The following GALNT13 variants were observed in gnomAD, a reference collection of about 807,000 sequenced individuals.
GALNT13 encodes polypeptide N-acetylgalactosaminyltransferase 13.
Under a neutral mutation model 64.2 loss-of-function variants are expected in GALNT13, and 28 were observed. The ratio of observed to expected loss-of-function variants is 0.44; its 90% confidence interval spans 0.32 to 0.60. The LOEUF is 0.60. GALNT13 is among the 20% of genes least tolerant of loss of function. The pLI, the probability that GALNT13 is intolerant of heterozygous loss-of-function variation, is 0.05. For synonymous variants in GALNT13, 214 were observed against 224.6 expected (o/e 0.95, Z 0.42); for missense variants, 577 against 669.8 (o/e 0.86, Z 1.53).
At chr2:153,643,888 A>C in the GALNT13 span, among the ~76,000 whole-genome samples, 7 of 152,020 alleles carry the variant, frequency 4.6e-5, no homozygotes, top group Non-Finnish European at 1.5e-5. Flanking sequence ...TTCACTATAA[A>C]AAATTTTGGC....
At chr2:153,677,688 A>G in the GALNT13 span, among the ~76,000 whole-genome samples, 2 of 152,134 alleles carry the variant, frequency 1.3e-5, no homozygotes, top group African/African-American at 4.8e-5. Flanking sequence ...ACCAAACAGC[A>G]TGGTACTCTT....
intron 3 of GALNT13, among the ~76,000 whole-genome samples, chr2:154,009,325 G>C (rs928323317): frequency 1.8e-4 from 27 of 151,894 alleles, no homozygotes; most frequent in Admixed American, 1.8e-3. Context: ...TTGAAGTTGG[G>C]TTATGTGTTG....
chr2:153,916,568 G>A (rs564330449), intron 2 of GALNT13, among the ~76,000 whole-genome samples: 12 of 152,246 alleles, frequency 7.9e-5, no homozygotes, highest in African/African-American at 2.6e-4. Flanking sequence ...GATACCTTGA[G>A]CAAGGTTTTT....
intron 3 of GALNT13, among the ~76,000 whole-genome samples, chr2:153,983,792 A>G (rs1694622233): frequency 6.6e-6 from 1 of 151,968 alleles, no homozygotes. Context: ...AATGGTATGA[A>G]CATATTTCAT....
At chr2:153,280,117 T>G in the GALNT13 span, among the ~76,000 whole-genome samples, 1 of 152,146 alleles carries the variant, frequency 6.6e-6, no homozygotes, top group South Asian at 2.1e-4. Context: ...TTTCTAGGAA[T>G]GTATCCATTT....
chr2:154,250,158 G>A (rs1049263694), intron 7 of GALNT13, among the ~76,000 whole-genome samples: 6 of 152,120 alleles, frequency 3.9e-5, no homozygotes. Context: ...ATTGAAATGA[G>A]CAATGTCTTT....
intron 3 of GALNT13, among the ~76,000 whole-genome samples, chr2:154,005,447 A>G (rs921480297): frequency 6.6e-6 from 1 of 152,196 alleles, no homozygotes; most frequent in African/African-American, 2.4e-5. Flanking sequence ...CATAATCTGC[A>G]AGACTGAAGT....
chr2:153,692,077 C>T, the GALNT13 span, among the ~76,000 whole-genome samples: 6 of 152,100 alleles, frequency 3.9e-5, no homozygotes, highest in Admixed American at 3.3e-4. Flanking sequence ...TATCTCCACA[C>T]ACAATGATAG....
At chr2:153,138,441 G>C in the GALNT13 span, among the ~76,000 whole-genome samples, 3 of 152,052 alleles carry the variant, frequency 2.0e-5, no homozygotes, top group Non-Finnish European at 4.4e-5. Context: ...CAGTAATATT[G>C]TCAGATGATA....
chr2:153,606,468 T>C, the GALNT13 span, among the ~76,000 whole-genome samples: 1 of 152,114 alleles, frequency 6.6e-6, no homozygotes, highest in Non-Finnish European at 1.5e-5. Flanking sequence ...TCGTAAACTT[T>C]CTTAAAAAAT....
chr2:153,251,251 T>C, the GALNT13 span, among the ~76,000 whole-genome samples: 1 of 152,190 alleles, frequency 6.6e-6, no homozygotes, highest in Non-Finnish European at 1.5e-5. Context: ...AATTCTAATA[T>C]GACTTAGTGT....
intron 9 of GALNT13, among the ~76,000 whole-genome samples, chr2:154,360,600 G>A (rs1288141849): frequency 6.6e-6 from 1 of 152,138 alleles, no homozygotes; most frequent in Non-Finnish European, 1.5e-5. Flanking sequence ...GATGGCTTGT[G>A]CCTGTTTTTA....
At chr2:153,721,253 G>T in the GALNT13 span, among the ~76,000 whole-genome samples, 1 of 149,102 alleles carries the variant, frequency 6.7e-6, no homozygotes, top group Non-Finnish European at 1.5e-5. Context: ...TTACAGACAA[G>T]CAATTGCTGA....
intron 3 of GALNT13, among the ~76,000 whole-genome samples, chr2:154,064,895 C>T (rs1700380707): frequency 6.6e-6 from 1 of 152,058 alleles, no homozygotes; most frequent in African/African-American, 2.4e-5. Flanking sequence ...GGTACCCGCT[C>T]AGCTGCACTG....
the GALNT13 span, among the ~76,000 whole-genome samples, chr2:153,401,406 A>C: frequency 2.0e-5 from 3 of 151,570 alleles, no homozygotes; most frequent in Admixed American, 6.6e-5. Flanking sequence ...TATTCTGTTG[A>C]TTTGGGGTGG....
At chr2:153,327,198 G>A in the GALNT13 span, among the ~76,000 whole-genome samples, 1 of 152,178 alleles carries the variant, frequency 6.6e-6, no homozygotes. Context: ...TTCCCTCTGT[G>A]GGTAACCCTA....
the GALNT13 span, among the ~76,000 whole-genome samples, chr2:153,306,916 G>A: frequency 6.6e-6 from 1 of 151,996 alleles, no homozygotes; most frequent in Non-Finnish European, 1.5e-5. Flanking sequence ...TTTTCCTTTT[G>A]GTAGAATTGG....
chr2:153,419,368 T>C, the GALNT13 span, among the ~76,000 whole-genome samples: 1 of 152,160 alleles, frequency 6.6e-6, no homozygotes, highest in Non-Finnish European at 1.5e-5. Flanking sequence ...AAATGAGATT[T>C]GGGTGAGGAC....
chr2:153,738,747 T>C, the GALNT13 span, among the ~76,000 whole-genome samples: 1 of 152,104 alleles, frequency 6.6e-6, no homozygotes, highest in Non-Finnish European at 1.5e-5. Context: ...CTCTTTAATA[T>C]TTGAGCATTT....
Sources: allele counts gnomAD v4.1 joint callset (sites outside exome capture counted in the v4.1 genomes callset), GRCh38; gene constraint gnomAD v4.1.1; transcripts MANE v1.5; gene names NCBI Gene and HGNC (gene_info 2026-07-23, HGNC 2026-07-21).